Variants in CIMAP2 observed in about 807,000 individuals in gnomAD.
CIMAP2 encodes ciliary microtubule-associated protein 2.
chr1:54,825,032 AG>A, the CIMAP2 span, among the ~76,000 whole-genome samples: 1 of 128,892 alleles, frequency 7.8e-6, no homozygotes, highest in Non-Finnish European at 1.6e-5. Flanking sequence ...TGTCTTTCAT[AG>A]GGAATTACTT....
At chr1:54,830,216 T>TATTC in the CIMAP2 span, among the ~76,000 whole-genome samples, 2 of 151,038 alleles carry the variant, frequency 1.3e-5, no homozygotes, top group Non-Finnish European at 3.0e-5. This position sits in a 1 kb window ranked among gnomAD's most constrained non-coding sequence, Gnocchi z 4.1. Flanking sequence ...TCTTTCTTTC[T>TATTC]ATTTATTTAT....
the CIMAP2 span, among the ~76,000 whole-genome samples, chr1:54,816,560 T>A: frequency 0.61 from 92,794 of 152,016 alleles, 28,951 homozygotes; most frequent in South Asian, 0.75. Context: ...TCAAGGCGTC[T>A]GCAGGTCCGT....
At chr1:54,820,855 G>A in the CIMAP2 span, among the ~76,000 whole-genome samples, 9 of 152,138 alleles carry the variant, frequency 5.9e-5, no homozygotes, top group African/African-American at 1.7e-4. Flanking sequence ...TGCAACCTCC[G>A]CCTCCTGGGT....
the CIMAP2 span, among the ~76,000 whole-genome samples, chr1:54,815,462 CTG>C: frequency 6.7e-6 from 1 of 150,172 alleles, no homozygotes; most frequent in African/African-American, 2.5e-5. Flanking sequence ...CTTCCATCCT[CTG>C]TGTTTGTCTT....
chr1:54,811,915 A>AC, the CIMAP2 span: 1 of 1,613,620 alleles, frequency 6.2e-7, no homozygotes. Flanking sequence ...AACAAGCCAC[A>AC]CCCCCGGCCT....
At chr1:54,808,853 G>A in the CIMAP2 span, among the ~76,000 whole-genome samples, 7 of 152,084 alleles carry the variant, frequency 4.6e-5, no homozygotes, top group East Asian at 1.4e-3. Flanking sequence ...TGTTGGCCTG[G>A]ACCTCTCTGT....
At chr1:54,822,245 G>T in the CIMAP2 span, among the ~76,000 whole-genome samples, 1 of 152,114 alleles carries the variant, frequency 6.6e-6, no homozygotes, top group Non-Finnish European at 1.5e-5. Context: ...TTCCAGTACT[G>T]TGTTAAATAG....
the CIMAP2 span, among the ~76,000 whole-genome samples, chr1:54,817,328 G>A: frequency 1.7e-4 from 26 of 152,202 alleles, no homozygotes; most frequent in Admixed American, 5.9e-4. Flanking sequence ...GGCATGCTGC[G>A]TAACTTCGCT....
chr1:54,826,320 C>T, the CIMAP2 span, among the ~76,000 whole-genome samples: 1 of 152,294 alleles, frequency 6.6e-6, no homozygotes, highest in African/African-American at 2.4e-5. Context: ...TAGTACACTG[C>T]CCTGCCCATT....
At chr1:54,811,644 A>G in the CIMAP2 span, 5 of 811,530 alleles carry the variant, frequency 6.2e-6, no homozygotes, top group Middle Eastern at 3.7e-4. Context: ...ACGGGCAACA[A>G]TGTTGTGTGT....
At chr1:54,836,263 T>G in the CIMAP2 span, among the ~76,000 whole-genome samples, 110,057 of 150,160 alleles carry the variant, frequency 0.73, 41,738 homozygotes, top group Middle Eastern at 0.83. Context: ...CCCTTCGCCC[T>G]CCCGCCTGCC....
the CIMAP2 span, among the ~76,000 whole-genome samples, chr1:54,831,641 G>A: frequency 1.3e-5 from 2 of 149,960 alleles, no homozygotes; most frequent in African/African-American, 2.5e-5. Context: ...TGACAACAGC[G>A]AAACTCCATC....
chr1:54,809,195 A>T, the CIMAP2 span, among the ~76,000 whole-genome samples: 1 of 152,332 alleles, frequency 6.6e-6, no homozygotes, highest in Non-Finnish European at 1.5e-5. Context: ...CTCAGAGCAG[A>T]TAAGCAAGTT....
At chr1:54,808,146 C>T in the CIMAP2 span, 1 of 909,232 alleles carries the variant, frequency 1.1e-6, no homozygotes, top group Non-Finnish European at 1.6e-6. Flanking sequence ...GTGGCATACA[C>T]TGTCCTAGAC....
At chr1:54,815,050 C>G in the CIMAP2 span, 1 of 1,613,996 alleles carries the variant, frequency 6.2e-7, no homozygotes, top group Non-Finnish European at 8.5e-7. Context: ...GTAAGTGGGT[C>G]TGGGGTGAGG....
chr1:54,811,635 C>T, the CIMAP2 span, among the ~76,000 whole-genome samples: 9 of 151,942 alleles, frequency 5.9e-5, no homozygotes, highest in Non-Finnish European at 8.8e-5. Flanking sequence ...TGGACGCTCA[C>T]GGGCAACAAT....
the CIMAP2 span, among the ~76,000 whole-genome samples, chr1:54,821,313 C>T: frequency 6.6e-6 from 1 of 152,036 alleles, no homozygotes; most frequent in Non-Finnish European, 1.5e-5. Flanking sequence ...AGACCAGTGT[C>T]CTAAAGTTTT....
the CIMAP2 span, among the ~76,000 whole-genome samples, chr1:54,821,855 T>G: frequency 6.6e-6 from 1 of 151,114 alleles, no homozygotes; most frequent in Admixed American, 6.6e-5. Context: ...ATTTATAACT[T>G]CCTCATTTCT....
At chr1:54,811,765 G>GCCGGGGGGGGGGCGCCCCCCCCC in the CIMAP2 span, 3 of 1,301,314 alleles carry the variant, frequency 2.3e-6, no homozygotes, top group Non-Finnish European at 3.3e-6. Flanking sequence ...GGTTCTGACA[G>GCCGGGGGGGGGGCGCCCCCCCCC]CCTCCATGCC....
Sources: allele counts gnomAD v4.1 joint callset (sites outside exome capture counted in the v4.1 genomes callset), GRCh38; gene constraint gnomAD v4.1.1; non-coding constraint Gnocchi (gnomAD v3.1); transcripts MANE v1.5; gene names NCBI Gene and HGNC (gene_info 2026-07-23, HGNC 2026-07-21).